SERPINB8: variants seen among roughly 807,000 people sequenced by gnomAD.
The protein encoded by SERPINB8 is serpin B8.
Under a neutral mutation model 35.3 loss-of-function variants are expected in SERPINB8, and 25 were observed. The ratio of observed to expected loss-of-function variants is 0.71; its 90% CI spans 0.52 to 0.99. The LOEUF is 0.99. Ranked by LOEUF, SERPINB8 falls within the 50% of genes least tolerant of loss-of-function variation. The pLI, the probability that SERPINB8 is intolerant of heterozygous loss-of-function variation, is 0.00. For synonymous variants in SERPINB8, 186 were observed against 160.8 expected (o/e 1.16, Z -1.19); for missense variants, 484 against 446.5 (o/e 1.08, Z -0.76).
At chr18:64,013,189 G>C (rs4941235) in intron 7 of SERPINB8, among the ~76,000 whole-genome samples, 97,432 of 151,064 alleles carry the variant, frequency 0.64, 31,535 homozygotes, top group Admixed American at 0.7. Flanking sequence ...TCTTCCCCCC[G>C]CTCCAGTCAG....
chr18:63,978,258 C>A (rs755749449), intron 1 of SERPINB8, 41 bp from the exon 2 acceptor site: 22 of 1,609,958 alleles, frequency 1.4e-5, no homozygotes, highest in Non-Finnish European at 1.7e-5. Context: ...CTACCGGAGT[C>A]ATTGGCTTAT....
chr18:63,971,532 A>T (rs2050480612), intron 1 of SERPINB8, among the ~76,000 whole-genome samples: 1 of 152,206 alleles, frequency 6.6e-6, no homozygotes, highest in Non-Finnish European at 1.5e-5. Context: ...TATAACAGCT[A>T]GGCGCCTCGG....
At chr18:63,983,063 C>T (rs556788627) in intron 4 of SERPINB8, among the ~76,000 whole-genome samples, 1 of 152,286 alleles carries the variant, frequency 6.6e-6, no homozygotes, top group South Asian at 2.1e-4. Flanking sequence ...CTTTGCCCTC[C>T]AGGTGCCATT....
downstream of SERPINB8, among the ~76,000 whole-genome samples, chr18:64,006,797 CAAAAT>C (rs2050902061): frequency 1.3e-5 from 2 of 151,752 alleles, no homozygotes; most frequent in South Asian, 4.2e-4. Context: ...AATTCAATGA[CAAAAT>C]AAAGTAAAAT....
intron 1 of SERPINB8, among the ~76,000 whole-genome samples, chr18:64,003,460 G>T (rs1011822971): frequency 1.3e-5 from 2 of 152,032 alleles, no homozygotes; most frequent in Non-Finnish European, 2.9e-5. Flanking sequence ...TGAGCACCGG[G>T]GGGTATTAGT....
At chr18:64,005,452 T>G (rs566905407) in exon 2 of SERPINB8, 1 of 151,878 alleles carries the variant, frequency 6.6e-6, no homozygotes, top group South Asian at 2.1e-4. Context: ...GATTAGGTCC[T>G]GAGGAAAAAG....
In SERPINB8 at chr18:63,970,143, G is replaced by GCGGCGA; in HGVS notation, c.-33_-32insACGGCG. The GCGGCGA allele has an allele frequency of 2.7e-6, 1 of 369,556 alleles. No individual in the cohort carries two copies. The allele number at this position is 369,556 out of a possible 1,614,324, so 22.9% of individuals were successfully genotyped here. ...AGTCAAAGCAGCAGCGGCGGCGGCG[G>GCGGCGA]CGGCGGCAGCAGCAGCAGCAGCAGG... On this transcript the variant is annotated 5_prime_UTR_variant, in exon 1 of 7. Transcript: ENST00000397985.
intron 3 of SERPINB8, among the ~76,000 whole-genome samples, chr18:63,980,970 C>T (rs2050661461): frequency 6.6e-6 from 1 of 152,184 alleles, no homozygotes; most frequent in South Asian, 2.1e-4. Context: ...TTTCAAGGCT[C>T]TTCCCCTGCC....
chr18:64,018,570 A>G (rs925730278), intron 7 of SERPINB8, among the ~76,000 whole-genome samples: 2 of 152,218 alleles, frequency 1.3e-5, no homozygotes, highest in East Asian at 3.8e-4. Flanking sequence ...TGATTTACAC[A>G]TATAAAGTCT....
chr18:63,978,336 A>G lies in SERPINB8; in HGVS notation c.28A>G (p.Thr10Ala), dbSNP rs774360844. Residue 10 changes from threonine (T) to alanine (A), a missense_variant, in exon 2 of 7, where the codon ACT becomes GCT. Coordinates refer to ENST00000397985, the MANE Select transcript of SERPINB8 (RefSeq NM_002640.4). ...GGATGACCTCTGTGAAGCAAATGGC[A>G]CTTTTGCCATCAGCTTATTTAAAAT... MDDLCEANG[T>A]FAISLFKILG... 7.4e-6 allele frequency: 12 copies of G among 1,614,140 alleles called. No homozygotes were observed. In the East Asian group the frequency reaches 2.5e-4, roughly 33 times the overall value.
chr18:63,970,840 T>A (rs1311896400), intron 1 of SERPINB8, among the ~76,000 whole-genome samples: 1 of 151,942 alleles, frequency 6.6e-6, no homozygotes, highest in Non-Finnish European at 1.5e-5. Context: ...TTTCATATTC[T>A]CTTCTTCATT....
chr18:63,975,606 GT>G (rs1265491203), intron 1 of SERPINB8, among the ~76,000 whole-genome samples: 1 of 151,860 alleles, frequency 6.6e-6, no homozygotes, highest in African/African-American at 2.4e-5. Context: ...AACCCTACTT[GT>G]TTTTTTCTGA....
intron 7 of SERPINB8, among the ~76,000 whole-genome samples, chr18:64,014,392 G>A (rs149561072): frequency 6.6e-6 from 1 of 152,248 alleles, no homozygotes; most frequent in East Asian, 1.9e-4. Flanking sequence ...TTACAATTGA[G>A]GTTCCTGCAA....
intron 1 of SERPINB8, among the ~76,000 whole-genome samples, chr18:63,974,637 A>G (rs892693344): frequency 5.9e-5 from 9 of 152,232 alleles, no homozygotes; most frequent in Non-Finnish European, 5.9e-5. Flanking sequence ...TAATTGTGGC[A>G]TTGGCACCTA....
At position 63,978,472 on chromosome 18, in the gene SERPINB8, C is replaced by G. The variant is rs771876862; in HGVS notation, c.164C>G (p.Ser55Cys). The G allele has an allele frequency of 6.2e-7, 1 of 1,614,112 alleles. No individual in the cohort carries two copies. The highest frequency in any genetic ancestry group is 1.7e-5 in the Admixed American group (1 of 60,018). The change falls in exon 2 of 7, where the codon TCC becomes TGC. Residue 55 changes from serine (S) to cysteine (C), a missense_variant. Transcript: ENST00000397985. ...GAKGSTAAQM[S>C]QALCLYKDGD... The stretch of plus-strand genomic sequence containing the variant: ...AAGGGAAGCACTGCAGCCCAGATGT[C>G]CCAGGTATGTGTGCTTGTCACAAAG...
intron 7 of SERPINB8, among the ~76,000 whole-genome samples, chr18:64,010,960 T>C (rs1175947245): frequency 6.6e-6 from 1 of 150,992 alleles, no homozygotes; most frequent in African/African-American, 2.4e-5. Context: ...TATATATATA[T>C]GTATATATAC....
At chr18:64,017,479 G>T (rs1444901244) in intron 7 of SERPINB8, among the ~76,000 whole-genome samples, 3 of 152,098 alleles carry the variant, frequency 2.0e-5, no homozygotes, top group Admixed American at 6.5e-5. Context: ...TGATGATGAT[G>T]AAGTTAACAA....
intron 4 of SERPINB8, among the ~76,000 whole-genome samples, chr18:63,982,882 C>A (rs1268436608): frequency 2.0e-5 from 3 of 152,108 alleles, no homozygotes; most frequent in Admixed American, 6.5e-5. Flanking sequence ...TTGGACAACT[C>A]AATTTGGGCC....
chr18:63,987,141 GC>G lies in SERPINB8; in HGVS notation c.989del (p.Ala330GlufsTer76). 1 of 1,614,110 alleles carries G rather than the reference GC, an allele frequency of 6.2e-7. No homozygotes were observed. Among genetic ancestry groups the G allele is most frequent in the Non-Finnish European group, 8.5e-7 (1 of 1,180,020 alleles). ...CAATGAGGAAGGCACAGAGGCTGCCGCAGCCACTGCTGTGGTCAGGAATTCC... is the reference window on the plus strand; with the variant it reads ...CAATGAGGAAGGCACAGAGGCTGCCGAGCCACTGCTGTGGTCAGGAATTCC... ...EVNEEGTEAA[A>X]ATAVVRNSRC... On this transcript the variant is annotated frameshift_variant, in exon 7 of 7. Coordinates refer to ENST00000397985, the MANE Select transcript of SERPINB8 (RefSeq NM_002640.4). LOFTEE classifies it high-confidence loss of function.
Sources: allele counts gnomAD v4.1 joint callset (sites outside exome capture counted in the v4.1 genomes callset), GRCh38; gene constraint gnomAD v4.1.1; transcripts MANE v1.5; gene names NCBI Gene and HGNC (gene_info 2026-07-23, HGNC 2026-07-21).